PIK3C2A: variants seen among roughly 807,000 people sequenced by gnomAD.
The protein encoded by PIK3C2A is phosphatidylinositol 4-phosphate 3-kinase C2 domain-containing subunit alpha.
A neutral mutation model predicts 204.5 loss-of-function variants in PIK3C2A; 97 were observed. That is an observed-to-expected ratio of 0.47 (90% CI 0.40 to 0.56). PIK3C2A has a LOEUF of 0.56. Ranked by LOEUF, PIK3C2A falls within the 20% of genes least tolerant of loss-of-function variation. The probability of loss-of-function intolerance (pLI) is 0.00; values close to 1 mark genes in which losing one functional copy is unlikely to be tolerated. For synonymous variants in PIK3C2A, 653 were observed against 664.4 expected (o/e 0.98, Z 0.26); for missense variants, 1,735 against 1,969.2 (o/e 0.88, Z 2.25).
intron 1 of PIK3C2A, among the ~76,000 whole-genome samples, chr11:17,189,449 T>C (rs1157556443): frequency 1.4e-5 from 2 of 146,164 alleles, no homozygotes; most frequent in Non-Finnish European, 2.9e-5. Flanking sequence ...ACCCCATCTC[T>C]ACTAAAAATA....
chr11:17,102,250 C>T (rs1848659662), intron 24 of PIK3C2A, among the ~76,000 whole-genome samples: 1 of 152,086 alleles, frequency 6.6e-6, no homozygotes, highest in African/African-American at 2.4e-5. Context: ...TCCTGGCTAA[C>T]ACGGTGAAAC....
intron 1 of PIK3C2A, among the ~76,000 whole-genome samples, chr11:17,195,475 T>C (rs1852117271): frequency 1.3e-5 from 2 of 151,786 alleles, no homozygotes; most frequent in Admixed American, 1.3e-4. Context: ...AACCCAGCAC[T>C]TTGGGAGGCC....
At chr11:17,103,408 C>G (rs1448748877) in intron 23 of PIK3C2A, among the ~76,000 whole-genome samples, 2 of 152,070 alleles carry the variant, frequency 1.3e-5, no homozygotes, top group African/African-American at 4.8e-5. Flanking sequence ...AAGACACATA[C>G]AATGAGGTTT....
intron 23 of PIK3C2A, 76 bp downstream of exon 23, chr11:17,105,093 G>T: frequency 8.6e-7 from 1 of 1,165,508 alleles, no homozygotes; most frequent in Non-Finnish European, 1.3e-6. Context: ...CACCAGAGCT[G>T]GAAAATGAAA....
chr11:17,191,783 C>T (rs1011347041), intron 1 of PIK3C2A, among the ~76,000 whole-genome samples: 1 of 152,044 alleles, frequency 6.6e-6, no homozygotes, highest in African/African-American at 2.4e-5. Context: ...GTTTAGCTAA[C>T]TCGGAGAGGA....
At chr11:17,136,731 C>G in intron 8 of PIK3C2A, 106 bp from the exon 9 acceptor site, 1 of 574,348 alleles carries the variant, frequency 1.7e-6, no homozygotes, top group Non-Finnish European at 3.0e-6. Context: ...AACAGATATC[C>G]TCTACTCTTT....
At chr11:17,115,577 C>G (rs559280999) in intron 19 of PIK3C2A, 1 of 149,800 alleles carries the variant, frequency 6.7e-6, no homozygotes, top group East Asian at 1.9e-4. Flanking sequence ...ACAAATATAG[C>G]ATATGGATAG....
chr11:17,160,343 A>T (rs906257569), intron 2 of PIK3C2A, among the ~76,000 whole-genome samples: 2 of 152,234 alleles, frequency 1.3e-5, no homozygotes, highest in Non-Finnish European at 2.9e-5. Context: ...AATCACAGGA[A>T]GAAAAATAGG....
At chr11:17,098,523 A>T (rs1259113047) in intron 26 of PIK3C2A, among the ~76,000 whole-genome samples, 1 of 152,242 alleles carries the variant, frequency 6.6e-6, no homozygotes, top group Non-Finnish European at 1.5e-5. Flanking sequence ...CCACTAGTCT[A>T]TAGTATTTTG....
chr11:17,090,501 C>A (rs567059512), intron 32 of PIK3C2A, among the ~76,000 whole-genome samples: 8 of 152,140 alleles, frequency 5.3e-5, no homozygotes, highest in Admixed American at 6.5e-5. Context: ...TAATAATAAT[C>A]ATCTAAGAGG....
chr11:17,091,719 G>C (rs1359980650), intron 30 of PIK3C2A, 63 bp from the exon 31 acceptor site: 24 of 1,146,852 alleles, frequency 2.1e-5, no homozygotes, highest in Non-Finnish European at 2.7e-5. Context: ...GCAATAAAAG[G>C]ATTTTGCTTT....
chr11:17,129,595 T>C, intron 12 of PIK3C2A, 128 bp from the exon 13 acceptor site: 1 of 658,478 alleles, frequency 1.5e-6, no homozygotes, highest in Non-Finnish European at 2.5e-6. Context: ...TTGGTATTTT[T>C]ATTTTATTTT....
chr11:17,196,184 A>T (rs1186829700), intron 1 of PIK3C2A, among the ~76,000 whole-genome samples: 1 of 152,212 alleles, frequency 6.6e-6, no homozygotes, highest in Non-Finnish European at 1.5e-5. Context: ...AAAAATCTTA[A>T]AATCTCCATC....
chr11:17,102,685 T>A lies in PIK3C2A; in HGVS notation c.3828A>T (p.Ala1276=). Residue 1276 remains alanine, a synonymous_variant, in exon 24 of 33, where the codon GCA becomes GCT. Transcript: ENST00000691414. Reference sequence around the variant, plus strand: ...ACCTTTTGAAGCTGCCAAACATCTGTGCATGTCCCAAAAACTTTCCAAAGT... The same window carrying A: ...ACCTTTTGAAGCTGCCAAACATCTGAGCATGTCCCAAAAACTTTCCAAAGT... ...HIDFGKFLGH[A]QMFGSFKRDR... is the part of the protein sequence containing the mutation. 1 of 1,613,294 alleles carries A rather than the reference T, an allele frequency of 6.2e-7. No homozygotes were observed. The highest frequency in any genetic ancestry group is 8.5e-7 in the Non-Finnish European group (1 of 1,179,686).
chr11:17,107,334 T>C (rs1848859034), intron 22 of PIK3C2A, among the ~76,000 whole-genome samples: 1 of 151,722 alleles, frequency 6.6e-6, no homozygotes, highest in Non-Finnish European at 1.5e-5. Flanking sequence ...AAAAATAAAA[T>C]AAGTATCAAA....
chr11:17,186,689 C>G (rs7113011), intron 1 of PIK3C2A, among the ~76,000 whole-genome samples: 8,763 of 152,270 alleles, frequency 0.058, 846 homozygotes, highest in East Asian at 0.42. Flanking sequence ...AATTCTTCTT[C>G]AGAGCCACAT....
intron 1 of PIK3C2A, among the ~76,000 whole-genome samples, chr11:17,190,034 G>A (rs1207813032): frequency 6.6e-6 from 1 of 152,054 alleles, no homozygotes; most frequent in Admixed American, 6.6e-5. Flanking sequence ...GGAGGCCAAG[G>A]TGGGTGGATC....
At chr11:17,204,846 T>C (rs975802537) in intron 1 of PIK3C2A, among the ~76,000 whole-genome samples, 12 of 152,174 alleles carry the variant, frequency 7.9e-5, no homozygotes, top group Admixed American at 7.9e-4. Flanking sequence ...CATTTATCAT[T>C]TGCCTGTCTT....
intron 1 of PIK3C2A, among the ~76,000 whole-genome samples, chr11:17,173,564 C>A (rs557634950): frequency 6.6e-6 from 1 of 152,182 alleles, no homozygotes; most frequent in Non-Finnish European, 1.5e-5. Flanking sequence ...CAAAGCCAAC[C>A]TTTCATTTAT....
Sources: allele counts gnomAD v4.1 joint callset (sites outside exome capture counted in the v4.1 genomes callset), GRCh38; gene constraint gnomAD v4.1.1; transcripts MANE v1.5; gene names NCBI Gene and HGNC (gene_info 2026-07-23, HGNC 2026-07-21).